The following CXCR2 variants were observed in gnomAD, a reference collection of about 807,000 sequenced individuals.
CXCR2 encodes the protein C-X-C chemokine receptor type 2.
A neutral mutation model predicts 3.7 loss-of-function variants in CXCR2; 2 were observed. That is an observed-to-expected ratio of 0.55 (90% CI 0.22 to 1.72). The LOEUF (loss-of-function observed/expected upper bound fraction) is 1.72. Ranked by LOEUF, CXCR2 falls within the 40% of genes most tolerant of loss-of-function variation. CXCR2 has a pLI of 0.19. For synonymous variants in CXCR2, 203 were observed against 193.3 expected (o/e 1.05, Z -0.41); for missense variants, 351 against 450.1 (o/e 0.78, Z 1.99).
Position 218,135,895 on chromosome 2 carries a change from C to T in CXCR2, c.*11C>T, listed in dbSNP as rs1275049588. ...TCCACTACTCTCTAAGACCTCCTGC[C>T]TAAGTGCAGCCCCGTGGGGTTCCTC... On this transcript the variant is annotated 3_prime_UTR_variant, in exon 3 of 3. Coordinates refer to ENST00000318507, the MANE Select transcript of CXCR2 (RefSeq NM_001557.4). This position sits in a 1 kb window ranked among gnomAD's most constrained non-coding sequence, Gnocchi z 4.0. 1.3e-6 allele frequency: 2 copies of T among 1,595,820 alleles called. No individual in the cohort carries two copies. The highest frequency in any genetic ancestry group is 1.7e-5 in the Admixed American group (1 of 58,782).
chr2:218,136,154 A>AT lies in CXCR2; in HGVS notation c.*270_*271insT. 1.9e-4 allele frequency: 75 copies of AT among 388,852 alleles called. No individual in the cohort carries two copies. The highest frequency in any genetic ancestry group is 1.5e-3 in the South Asian group (20 of 13,590). The allele number at this position is 388,852 out of a possible 1,614,324, so 24.1% of individuals were successfully genotyped here. Reference sequence around the variant, plus strand: ...AGCCCATGGCACTCTATGTTCTAAGAAGTGAAAATCTACACTCCAGTGAGA... The same window carrying AT: ...AGCCCATGGCACTCTATGTTCTAAGATAGTGAAAATCTACACTCCAGTGAGA... On this transcript the variant is annotated 3_prime_UTR_variant, in exon 3 of 3. Transcript: ENST00000318507.
chr2:218,134,988 C>T lies in CXCR2; in HGVS notation c.187C>T (p.Leu63=), dbSNP rs1690746312. Residue 63 remains leucine (L), a synonymous_variant, in exon 3 of 3, where the codon CTG becomes TTG. Transcript: ENST00000318507. ...IIYALVFLLS[L]LGNSLVMLVI... ...CTATGCCCTGGTATTCCTGCTGAGC[C>T]TGCTGGGAAACTCCCTCGTGATGCT... 5 of 1,614,182 alleles carry T rather than the reference C, an allele frequency of 3.1e-6. No homozygotes were observed. The highest frequency in any genetic ancestry group is 4.2e-6 in the Non-Finnish European group (5 of 1,180,032).
Position 218,135,743 on chromosome 2 carries a change from C to T in CXCR2, c.942C>T (p.Tyr314=), listed in dbSNP as rs143174409. The change falls in exon 3 of 3, where the codon TAC becomes TAT. Residue 314 remains tyrosine (Y), a synonymous_variant. Coordinates refer to ENST00000318507, the MANE Select transcript of CXCR2 (RefSeq NM_001557.4). This position sits in a 1 kb window ranked among gnomAD's most constrained non-coding sequence, Gnocchi z 4.0. ...ILHSCLNPLI[Y]AFIGQKFRHG... ...ACAGCTGCCTCAACCCCCTCATCTA[C>T]GCCTTCATTGGCCAGAAGTTTCGCC... The T allele has an allele frequency of 2.2e-5, 35 of 1,614,078 alleles. No individual in the cohort carries two copies. The highest frequency in any genetic ancestry group is 1.6e-4 in the African/African-American group (12 of 74,986).
rs200906463 is a variant in CXCR2 at position 218,135,744 on chromosome 2, G to A, written c.943G>A (p.Ala315Thr). 26 of 1,613,386 alleles carry A rather than the reference G, an allele frequency of 1.6e-5. No homozygotes were observed. The highest frequency in any genetic ancestry group is 6.7e-5 in the East Asian group (3 of 44,822). Reference protein sequence around the residue: ...LHSCLNPLIYAFIGQKFRHGL... With the variant: ...LHSCLNPLIYTFIGQKFRHGL... ...CAGCTGCCTCAACCCCCTCATCTAC[G>A]CCTTCATTGGCCAGAAGTTTCGCCA... is the stretch of plus-strand genomic sequence containing the variant. Residue 315 changes from alanine (A) to threonine (T), a missense_variant, in exon 3 of 3, where the codon GCC (alanine) becomes ACC (threonine). Ala to Thr is a moderately conservative substitution (Grantham distance 58). Coordinates refer to ENST00000318507, the MANE Select transcript of CXCR2 (RefSeq NM_001557.4). The surrounding 1 kb of genome is among the most constrained non-coding windows in gnomAD (Gnocchi z 4.0).
chr2:218,129,626 C>T (rs908512009), intron 2 of CXCR2, among the ~76,000 whole-genome samples: 2 of 152,156 alleles, frequency 1.3e-5, no homozygotes, highest in African/African-American at 4.8e-5. Flanking sequence ...TGGCAGCCTT[C>T]CAAGACTCAG....
intron 2 of CXCR2, among the ~76,000 whole-genome samples, chr2:218,133,368 C>T (rs1232267441): frequency 6.0e-5 from 8 of 133,222 alleles, no homozygotes; most frequent in African/African-American, 1.1e-4. Flanking sequence ...GATGTGATTT[C>T]GGCTCACTGC....
rs17844687 is a variant in CXCR2 at position 218,130,805 on chromosome 2, A to G, written c.-26+1440A>G. ...GGTAAACTAAAAAACAACACCAACA[A>G]CAAACACCCCTCTCCCTACCCTAGG... On this transcript the variant is annotated intron_variant, in intron 2 of 2. Transcript: ENST00000318507. 248 of 152,392 alleles carry G rather than the reference A, an allele frequency of 1.6e-3. 1 individual carries two copies. The highest frequency in any genetic ancestry group is 2.9e-3 in the Non-Finnish European group (196 of 68,124). 9.4% of individuals were successfully genotyped at this position (152,392 alleles called of 1,614,324 possible). A position where few individuals can be genotyped will look rare whatever the true frequency, so the allele number is the denominator to read the frequency against.
intron 2 of CXCR2, among the ~76,000 whole-genome samples, chr2:218,131,428 T>C (rs961696647): frequency 3.3e-5 from 5 of 151,976 alleles, no homozygotes; most frequent in African/African-American, 1.2e-4. Context: ...AATGAGGGAT[T>C]GCTTATAAAT....
At chr2:218,134,316 T>G (rs1160624582) in intron 2 of CXCR2, among the ~76,000 whole-genome samples, 1 of 152,012 alleles carries the variant, frequency 6.6e-6, no homozygotes, top group Non-Finnish European at 1.5e-5. Flanking sequence ...GAGAATTACT[T>G]AAGGTCAGGA....
chr2:218,135,766 G>A lies in CXCR2; in HGVS notation c.965G>A (p.Arg322His), dbSNP rs201872950. 1.4e-5 allele frequency: 22 copies of A among 1,613,576 alleles called. No individual in the cohort carries two copies. Among genetic ancestry groups the A allele is most frequent in the Admixed American group, 5.0e-5 (3 of 59,922 alleles). Reference sequence around the variant, plus strand: ...TACGCCTTCATTGGCCAGAAGTTTCGCCATGGACTCCTCAAGATTCTAGCT... The same window carrying A: ...TACGCCTTCATTGGCCAGAAGTTTCACCATGGACTCCTCAAGATTCTAGCT... ...LIYAFIGQKF[R>H]HGLLKILAIH... The change falls in exon 3 of 3, where the codon CGC (arginine) becomes CAC (histidine). Residue 322 changes from arginine (R) to histidine (H), a missense_variant. Transcript: ENST00000318507. This position sits in a 1 kb window ranked among gnomAD's most constrained non-coding sequence, Gnocchi z 4.0.
rs200182920 is a variant in CXCR2 at position 218,135,769 on chromosome 2, A to G, written c.968A>G (p.His323Arg). 1.1e-5 allele frequency: 17 copies of G among 1,613,814 alleles called. No individual in the cohort carries two copies. The highest frequency in any genetic ancestry group is 2.2e-5 in the East Asian group (1 of 44,868). The change falls in exon 3 of 3, where the codon CAT becomes CGT. Residue 323 changes from histidine to arginine, a missense_variant. Transcript: ENST00000318507. The surrounding 1 kb of genome is among the most constrained non-coding windows in gnomAD (Gnocchi z 4.0). Reference protein sequence around the residue: ...IYAFIGQKFRHGLLKILAIHG... With the variant: ...IYAFIGQKFRRGLLKILAIHG... ...GCCTTCATTGGCCAGAAGTTTCGCCATGGACTCCTCAAGATTCTAGCTATA... is the reference window on the plus strand; with the variant it reads ...GCCTTCATTGGCCAGAAGTTTCGCCGTGGACTCCTCAAGATTCTAGCTATA...
chr2:218,131,735 C>A (rs1690652793), intron 2 of CXCR2, among the ~76,000 whole-genome samples: 1 of 151,498 alleles, frequency 6.6e-6, no homozygotes, highest in Non-Finnish European at 1.5e-5. Flanking sequence ...TCCCAAAGTG[C>A]TGGGAGCCAC....
rs527656981 is a variant in CXCR2 at position 218,131,574 on chromosome 2, G to A, written c.-26+2209G>A. Among the ~76,000 whole-genome samples, 43 of 148,388 alleles carry A rather than the reference G, an allele frequency of 2.9e-4. No individual in the cohort carries two copies. In the South Asian group the frequency reaches 6.6e-3, roughly 23 times the overall value. ...AAGCTTCGCTTCCCGGGTTCACACC[G>A]TTCTCCTGCCTCAGCCTCCCGAGTA... On this transcript the variant is annotated intron_variant, in intron 2 of 2. Coordinates refer to ENST00000318507, the MANE Select transcript of CXCR2 (RefSeq NM_001557.4).
Position 218,134,981 on chromosome 2 carries a change from G to A in CXCR2, c.180G>A (p.Leu60=). ...TCATTATCTATGCCCTGGTATTCCT[G>A]CTGAGCCTGCTGGGAAACTCCCTCG... ...FVVIIYALVF[L]LSLLGNSLVM... The change falls in exon 3 of 3, where the codon CTG becomes CTA. Residue 60 remains leucine, a synonymous_variant. Transcript: ENST00000318507. The A allele has an allele frequency of 6.2e-7, 1 of 1,614,114 alleles. No homozygotes were observed. Among genetic ancestry groups the A allele is most frequent in the Non-Finnish European group, 8.5e-7 (1 of 1,180,030 alleles).
upstream of CXCR2, chr2:218,125,314 T>C (rs536615170): frequency 6.6e-6 from 1 of 152,402 alleles, no homozygotes; most frequent in South Asian, 2.1e-4. Context: ...GCTGAGAATA[T>C]GCAGCCGTTT....
rs17844686 is a variant in CXCR2 at position 218,130,563 on chromosome 2, C to T, written c.-26+1198C>T. ...CCTCACTGGAACAGTGGTTTCACCA[C>T]TTCTCCACCCTGTGATCGCAGGCTG... On this transcript the variant is annotated intron_variant, in intron 2 of 2. Transcript: ENST00000318507. Among the ~76,000 whole-genome samples, 236 of 152,306 alleles carry T rather than the reference C, an allele frequency of 1.5e-3. 2 individuals are homozygous for T. Among genetic ancestry groups the T allele is most frequent in the African/African-American group, 5.4e-3 (223 of 41,554 alleles).
At position 218,136,577 on chromosome 2, in the gene CXCR2, T is replaced by C. The variant is rs1690815496; in HGVS notation, c.*693T>C. ...TTAACACATGATCCTGCAATTCCACTTATAGGAATTGACCCACAAGAAATG... is the reference window on the plus strand; with the variant it reads ...TTAACACATGATCCTGCAATTCCACCTATAGGAATTGACCCACAAGAAATG... On this transcript the variant is annotated 3_prime_UTR_variant, in exon 3 of 3. Coordinates refer to ENST00000318507, the MANE Select transcript of CXCR2 (RefSeq NM_001557.4). 1 of 167,054 alleles carries C rather than the reference T, an allele frequency of 6.0e-6. No individual in the cohort carries two copies. Among genetic ancestry groups the C allele is most frequent in the South Asian group, 2.1e-4 (1 of 4,832 alleles). The allele number at this position is 167,054 out of a possible 1,614,324, so 10.3% of individuals were successfully genotyped here.
chr2:218,134,531 C>T (rs570344607), intron 2 of CXCR2, among the ~76,000 whole-genome samples: 3 of 152,214 alleles, frequency 2.0e-5, no homozygotes, highest in East Asian at 3.9e-4. Flanking sequence ...TAGGTGATGG[C>T]GATGCTAAAA....
At chr2:218,131,565 G>A (rs1690647813) in intron 2 of CXCR2, among the ~76,000 whole-genome samples, 1 of 151,542 alleles carries the variant, frequency 6.6e-6, no homozygotes, top group Admixed American at 6.6e-5. Context: ...CGCTTCCCGG[G>A]TTCACACCGT....
Sources: allele counts gnomAD v4.1 joint callset (sites outside exome capture counted in the v4.1 genomes callset), GRCh38; gene constraint gnomAD v4.1.1; non-coding constraint Gnocchi (gnomAD v3.1); transcripts MANE v1.5; gene names NCBI Gene and HGNC (gene_info 2026-07-23, HGNC 2026-07-21).